Variants in ARHGEF12 observed in about 807,000 individuals in gnomAD.
ARHGEF12 encodes KMT2A/ARHGEF12 fusion protein.
In ARHGEF12, 66 loss-of-function variants were observed where a neutral mutation model predicts 211.2. That is an observed-to-expected ratio of 0.31 (90% confidence interval 0.26 to 0.38). The LOEUF (loss-of-function observed/expected upper bound fraction) is 0.38. Ranked by LOEUF, ARHGEF12 falls within the 10% of genes least tolerant of loss-of-function variation. ARHGEF12 has a pLI of 1.00. For missense variants in ARHGEF12, 1,429 were observed against 1,869.5 expected (o/e 0.76, Z 4.34); for synonymous variants, 592 against 638.4 (o/e 0.93, Z 1.09).
chr11:120,383,224 GA>G (rs1943927696), intron 1 of ARHGEF12, among the ~76,000 whole-genome samples: 1 of 152,106 alleles, frequency 6.6e-6, no homozygotes, highest in Admixed American at 6.5e-5. Flanking sequence ...AAGAAGTTAA[GA>G]GTGTAGTGGT....
chr11:120,363,444 T>C (rs1402930243), intron 1 of ARHGEF12, among the ~76,000 whole-genome samples: 1 of 152,234 alleles, frequency 6.6e-6, no homozygotes, highest in Non-Finnish European at 1.5e-5. Context: ...TATTTTTAAA[T>C]TTAATAGTTT....
intron 1 of ARHGEF12, among the ~76,000 whole-genome samples, chr11:120,374,140 A>G (rs1943663359): frequency 6.6e-6 from 1 of 152,112 alleles, no homozygotes; most frequent in Non-Finnish European, 1.5e-5. Context: ...CCATAGCTAA[A>G]TGTCTTTCCA....
At position 120,345,701 on chromosome 11, in the gene ARHGEF12, C is replaced by CAAA. The variant is rs34619240; in HGVS notation, c.32+8444_32+8446dup. Among the ~76,000 whole-genome samples, 218 of 78,018 alleles carry CAAA rather than the reference C, an allele frequency of 2.8e-3. 11 individuals carry two copies. The highest frequency in any genetic ancestry group is 0.018 in the South Asian group (30 of 1,684). 51.2% of individuals were successfully genotyped at this position (78,018 alleles called of 152,430 possible). On this transcript the variant is annotated intron_variant, in intron 1 of 40. Transcript: ENST00000397843. ...CTGGGCACAGAGCGAGACTCCGTCTCAAAAAAAAAAAAAAAAAAAACGAAA... is the reference window on the plus strand; with the variant it reads ...CTGGGCACAGAGCGAGACTCCGTCTCAAAAAAAAAAAAAAAAAAAAAAACGAAA...
chr11:120,467,437 T>C (rs1452635921), intron 29 of ARHGEF12, 129 bp downstream of exon 29: 10 of 524,300 alleles, frequency 1.9e-5, no homozygotes, highest in East Asian at 6.8e-5. Context: ...GATTTTCTTT[T>C]TTTTTTTTTT....
intron 1 of ARHGEF12, among the ~76,000 whole-genome samples, chr11:120,359,083 G>A (rs1943209190): frequency 6.6e-6 from 1 of 152,128 alleles, no homozygotes; most frequent in Non-Finnish European, 1.5e-5. Flanking sequence ...TAGCCAGAGA[G>A]GGAGGTAGAA....
intron 1 of ARHGEF12, among the ~76,000 whole-genome samples, chr11:120,362,060 G>C (rs775711847): frequency 6.6e-6 from 1 of 152,184 alleles, no homozygotes; most frequent in Non-Finnish European, 1.5e-5. Flanking sequence ...TAGTGCTAGA[G>C]ATGCTGCCAC....
At chr11:120,399,224 G>C (rs1944476516) in intron 1 of ARHGEF12, among the ~76,000 whole-genome samples, 1 of 143,538 alleles carries the variant, frequency 7.0e-6, no homozygotes, top group African/African-American at 2.5e-5. Context: ...GGAGGCTAAG[G>C]TAGGAGGATT....
chr11:120,381,686 C>T (rs1943884242), intron 1 of ARHGEF12, among the ~76,000 whole-genome samples: 1 of 152,164 alleles, frequency 6.6e-6, no homozygotes, highest in African/African-American at 2.4e-5. Flanking sequence ...TTGAAGTTCA[C>T]TCTTTGTACT....
At chr11:120,431,948 ATTC>A (rs1415595723) in intron 11 of ARHGEF12, 37 bp downstream of exon 11, 12 of 1,542,964 alleles carry the variant, frequency 7.8e-6, no homozygotes, top group Non-Finnish European at 9.6e-6. Context: ...TTTCTTCTGT[ATTC>A]TTCTTTACAG....
chr11:120,341,304 C>T (rs1023715063), intron 1 of ARHGEF12, among the ~76,000 whole-genome samples: 10 of 49,950 alleles, frequency 2.0e-4, no homozygotes, highest in African/African-American at 1.3e-3. Flanking sequence ...GTGATCCACC[C>T]GTCTCGGCCT....
At chr11:120,431,683 T>A (rs1368300592) in intron 10 of ARHGEF12, 88 bp from the exon 11 acceptor site, 2 of 1,360,358 alleles carry the variant, frequency 1.5e-6, no homozygotes, top group African/African-American at 2.9e-5. Context: ...CCATGTAGAT[T>A]GTAGTACCAC....
chr11:120,479,580 A>G (rs559682114), intron 37 of ARHGEF12, among the ~76,000 whole-genome samples: 44 of 152,318 alleles, frequency 2.9e-4, no homozygotes, highest in African/African-American at 1.0e-3. Flanking sequence ...GTCTAGCTTA[A>G]CACAGCCTTT....
Position 120,479,980 on chromosome 11 carries a change from C to A in ARHGEF12, c.3787C>A (p.Leu1263Met), listed in dbSNP as rs1177066994. The change falls in exon 38 of 41, where the codon CTG becomes ATG. Residue 1263 changes from leucine (L) to methionine (M), a missense_variant. This residue lies in a region of ARHGEF12 where 467 missense variants were observed against 468.4 expected (regional missense o/e 1.00). Coordinates refer to ENST00000397843, the MANE Select transcript of ARHGEF12 (RefSeq NM_015313.3). Reference sequence around the variant, plus strand: ...TTTAGTGGGTTTGTTGAAGCAGTTGCTGGTGCAACAGCTAGGTTTGACTGA... The same window carrying A: ...TTTAGTGGGTTTGTTGAAGCAGTTGATGGTGCAACAGCTAGGTTTGACTGA... ...LRNLGLLKQL[L>M]VQQLGLTEKS... The A allele has an allele frequency of 1.2e-6, 2 of 1,612,240 alleles. No homozygotes were observed. The highest frequency in any genetic ancestry group is 2.7e-5 in the African/African-American group (2 of 74,956).
At position 120,429,708 on chromosome 11, in the gene ARHGEF12, T is replaced by A. The variant is rs759313489; in HGVS notation, c.664-4T>A. On this transcript the variant is annotated splice_polypyrimidine_tract_variant and splice_region_variant and intron_variant, in intron 9 of 40. Transcript: ENST00000397843. ...ATTCTGAAAATATTTTTATAACTTT[T>A]CAGTTATTGCAGGAAGATTACAACC... 1.2e-6 allele frequency: 2 copies of A among 1,607,820 alleles called. No homozygotes were observed.
At chr11:120,347,053 G>T (rs1443475037) in intron 1 of ARHGEF12, among the ~76,000 whole-genome samples, 1 of 152,096 alleles carries the variant, frequency 6.6e-6, no homozygotes, top group African/African-American at 2.4e-5. Context: ...AACTTGTTTT[G>T]ATTTCATTTT....
At chr11:120,344,644 G>T (rs1351583727) in intron 1 of ARHGEF12, among the ~76,000 whole-genome samples, 4 of 152,178 alleles carry the variant, frequency 2.6e-5, no homozygotes, top group Non-Finnish European at 5.9e-5. Context: ...CCTTCTTAGG[G>T]CAAGTGCTGC....
chr11:120,471,990 C>T (rs1417298971), intron 30 of ARHGEF12, among the ~76,000 whole-genome samples: 1 of 152,054 alleles, frequency 6.6e-6, no homozygotes. Context: ...AACTTAAATG[C>T]CCATCAGTAA....
In ARHGEF12 at chr11:120,448,270, G is replaced by A. The variant is rs747336845; in HGVS notation, c.1659G>A (p.Lys553=). The A allele has an allele frequency of 6.2e-7, 1 of 1,614,110 alleles. No individual in the cohort carries two copies. The highest frequency in any genetic ancestry group is 8.5e-7 in the Non-Finnish European group (1 of 1,179,994). Residue 553 remains lysine (K), a synonymous_variant, in exon 20 of 41, where the codon AAG becomes AAA. Transcript: ENST00000397843. ...TMQYVILMYM[K]HLGVKVKEPR... is the part of the protein sequence containing the mutation. Reference sequence around the variant, plus strand: ...AGTATGTTATTCTCATGTATATGAAGCATTTGGGAGTAAAAGTGAAAGAGC... The same window carrying A: ...AGTATGTTATTCTCATGTATATGAAACATTTGGGAGTAAAAGTGAAAGAGC...
chr11:120,467,162 T>C (rs1203322990), intron 28 of ARHGEF12, 32 bp from the exon 29 acceptor site: 2 of 1,372,056 alleles, frequency 1.5e-6, no homozygotes, highest in Non-Finnish European at 2.1e-6. Context: ...CAAATAAGAA[T>C]TACAGATTCA....
Sources: allele counts gnomAD v4.1 joint callset (sites outside exome capture counted in the v4.1 genomes callset), GRCh38; gene constraint gnomAD v4.1.1; regional missense constraint gnomAD v4.1.1; transcripts MANE v1.5; gene names NCBI Gene and HGNC (gene_info 2026-07-23, HGNC 2026-07-21).